PCDHA4: variants seen among roughly 807,000 people sequenced by gnomAD.
The protein encoded by PCDHA4 is protocadherin alpha-4.
PCDHA4 carries 49 observed loss-of-function variants against 61.4 expected under a neutral mutation model. The ratio of observed to expected loss-of-function variants is 0.80; its 90% CI spans 0.63 to 1.01. The LOEUF (loss-of-function observed/expected upper bound fraction) is 1.01. Ranked by LOEUF, PCDHA4 falls within the 50% of genes least tolerant of loss-of-function variation. PCDHA4 has a pLI of 0.00. For synonymous variants in PCDHA4, 590 were observed against 550.3 expected (o/e 1.07, Z -1.01); for missense variants, 1,254 against 1,235.8 (o/e 1.01, Z -0.22).
At chr5:140,885,736 C>T (rs1457106867) in intron 1 of PCDHA4, among the ~76,000 whole-genome samples, 1 of 152,060 alleles carries the variant, frequency 6.6e-6, no homozygotes, top group African/African-American at 2.4e-5. Context: ...AATGATATTT[C>T]ACTGTTACTT....
chr5:140,844,637 A>T (rs2150372920), intron 1 of PCDHA4, among the ~76,000 whole-genome samples: 34 of 149,574 alleles, frequency 2.3e-4, no homozygotes, highest in African/African-American at 8.3e-4. Context: ...ACTATACATG[A>T]TAATTTCATT....
At chr5:140,999,526 C>A (rs1429753507) in intron 3 of PCDHA4, among the ~76,000 whole-genome samples, 2 of 152,026 alleles carry the variant, frequency 1.3e-5, no homozygotes, top group Non-Finnish European at 2.9e-5. Context: ...TTTGTTACCC[C>A]CTGGATATGA....
intron 1 of PCDHA4, chr5:140,814,690 G>A (rs1224491954): frequency 6.6e-6 from 1 of 152,090 alleles, no homozygotes; most frequent in African/African-American, 2.4e-5. Context: ...ACAACATTAT[G>A]ACTGCTACAT....
intron 1 of PCDHA4, among the ~76,000 whole-genome samples, chr5:140,899,167 T>C (rs1314014582): frequency 3.3e-5 from 5 of 152,124 alleles, no homozygotes; most frequent in Admixed American, 6.5e-5. Context: ...CTTTTCCTAA[T>C]TGAATACCCT....
At chr5:140,860,205 A>G (rs1007227708) in intron 1 of PCDHA4, 2 of 149,744 alleles carry the variant, frequency 1.3e-5, no homozygotes, top group East Asian at 3.9e-4. Flanking sequence ...ATATATCTAT[A>G]TATGTACTTA....
rs2150328350 is a variant in PCDHA4, at chr5:140,842,056, T to G, written c.2385+32484T>G. On this transcript the variant is annotated intron_variant, in intron 1 of 3. Transcript: ENST00000530339. ...ATAATGCTCCCACTTTCGAACAGTCTGAATACGAAGTAAGAATATTCGAAA... is the reference window on the plus strand; with the variant it reads ...ATAATGCTCCCACTTTCGAACAGTCGGAATACGAAGTAAGAATATTCGAAA... The G allele has an allele frequency of 3.7e-5, 59 of 1,613,726 alleles. 1 individual carries two copies. Among genetic ancestry groups the G allele is most frequent in the Non-Finnish European group, 4.6e-5 (54 of 1,179,870 alleles).
intron 1 of PCDHA4, chr5:140,828,633 A>T (rs1221844247): frequency 6.2e-7 from 1 of 1,614,094 alleles, no homozygotes; most frequent in Non-Finnish European, 8.5e-7. Context: ...TTCGGGCTAG[A>T]TGTGAAAATA....
intron 1 of PCDHA4, among the ~76,000 whole-genome samples, chr5:140,918,519 G>A (rs2078736782): frequency 6.6e-6 from 1 of 152,068 alleles, no homozygotes. Flanking sequence ...AACTTATTGA[G>A]GATTGTTTTA....
intron 1 of PCDHA4, chr5:140,870,960 C>T: frequency 6.2e-7 from 1 of 1,613,670 alleles, no homozygotes; most frequent in Non-Finnish European, 8.5e-7. Context: ...GCTCGCGCAT[C>T]CCGTTCCGCG....
At chr5:140,864,245 T>C (rs1189962615) in intron 1 of PCDHA4, 1 of 152,208 alleles carries the variant, frequency 6.6e-6, no homozygotes, top group Non-Finnish European at 1.5e-5. Flanking sequence ...TTCCTATTCA[T>C]TTTCTTATTC....
chr5:140,924,876 C>G (rs1380631161), intron 1 of PCDHA4, among the ~76,000 whole-genome samples: 1 of 144,704 alleles, frequency 6.9e-6, no homozygotes, highest in Non-Finnish European at 1.5e-5. Flanking sequence ...GCCTGGGTGA[C>G]AGAGCAAGAA....
intron 1 of PCDHA4, chr5:140,822,496 T>C (rs1315716170): frequency 1.8e-5 from 29 of 1,613,784 alleles, no homozygotes; most frequent in Non-Finnish European, 2.2e-5. Flanking sequence ...CGCCCCAGAA[T>C]TTGATAAATC....
chr5:140,970,293 T>C (rs2096396195), intron 1 of PCDHA4, among the ~76,000 whole-genome samples: 3 of 152,220 alleles, frequency 2.0e-5, no homozygotes, highest in Admixed American at 2.0e-4. Context: ...TTTCAAGTCC[T>C]TCATGTCTTT....
intron 1 of PCDHA4, chr5:140,821,648 A>AT: frequency 9.2e-7 from 1 of 1,086,806 alleles, no homozygotes; most frequent in East Asian, 2.6e-5. Context: ...AGAACCTTCC[A>AT]TTTTTGGCTG....
intron 1 of PCDHA4, among the ~76,000 whole-genome samples, chr5:140,833,023 G>A (rs1772255720): frequency 6.6e-6 from 1 of 152,184 alleles, no homozygotes; most frequent in Admixed American, 6.5e-5. Context: ...GTTCCCATAA[G>A]AGAGAGTGTG....
chr5:140,863,155 T>G (rs1554157838), intron 1 of PCDHA4: 1 of 635,268 alleles, frequency 1.6e-6, no homozygotes, highest in Admixed American at 1.9e-5. Context: ...GAAGGACCAC[T>G]GCGAGCTGGC....
At chr5:140,929,373 C>T (rs1563116244) in intron 1 of PCDHA4, 1 of 1,514,818 alleles carries the variant, frequency 6.6e-7, no homozygotes, top group Non-Finnish European at 8.8e-7. Context: ...GAGATGGCTG[C>T]TAGCTGTGTT....
chr5:140,848,247 T>C (rs1581144938), intron 1 of PCDHA4: 2 of 456,006 alleles, frequency 4.4e-6, no homozygotes, highest in East Asian at 3.3e-5. Flanking sequence ...TTTTGCAGAA[T>C]AACTGTGAAA....
intron 1 of PCDHA4, among the ~76,000 whole-genome samples, chr5:140,972,921 C>A (rs2096564401): frequency 6.6e-6 from 1 of 152,090 alleles, no homozygotes; most frequent in Non-Finnish European, 1.5e-5. Context: ...CTTGGCCTCC[C>A]AAAGTGCTGG....
Sources: gnomAD v4.1 joint callset for allele counts (sites outside exome capture counted in the v4.1 genomes callset) on GRCh38, gnomAD v4.1.1 for gene constraint, MANE v1.5 for transcripts, NCBI Gene and HGNC (gene_info 2026-07-23, HGNC 2026-07-21) for gene names.